Variants in HSDL1 observed in about 807,000 individuals in gnomAD.
The protein encoded by HSDL1 is inactive hydroxysteroid dehydrogenase-like protein 1.
HSDL1 carries 29 observed loss-of-function variants against 31.5 expected under a neutral mutation model. The observed-to-expected ratio is 0.92, with a 90% confidence interval of 0.69 to 1.26. HSDL1 has a LOEUF of 1.26. HSDL1 is among the 50% of genes most tolerant of loss of function. The probability of loss-of-function intolerance (pLI) is 0.00; values close to 1 mark genes in which losing one functional copy is unlikely to be tolerated. For synonymous variants in HSDL1, 222 were observed against 155.2 expected (o/e 1.43, Z -3.20); for missense variants, 503 against 416.6 (o/e 1.21, Z -1.81).
At position 84,131,158 on chromosome 16, in the gene HSDL1, C is replaced by A. The variant is rs757004174; in HGVS notation, c.164G>T (p.Arg55Leu). 4 of 1,614,022 alleles carry A rather than the reference C, an allele frequency of 2.5e-6. No individual in the cohort carries two copies. The African/African-American group carries it at 4.0e-5, about 16-fold the overall frequency. ...GATCAAGTCTGCTCTGCTCCCCAGG[C>A]GGGGGATAAAATGCAGCCTGATCAG... ...YSLIRLHFIP[R>L]LGSRADLIKQ... The change falls in exon 3 of 6, where the codon CGC (arginine) becomes CTC (leucine). Residue 55 changes from arginine (R) to leucine (L), a missense_variant. Physicochemically the swap from Arg to Leu is moderately radical, Grantham distance 102. Coordinates refer to ENST00000219439, the MANE Select transcript of HSDL1 (RefSeq NM_031463.5).
intron 1 of HSDL1, 73 bp from the exon 2 acceptor site, chr16:84,135,678 A>C (rs1456023074): frequency 6.6e-6 from 1 of 152,266 alleles, no homozygotes; most frequent in African/African-American, 2.4e-5. Context: ...CTTTACATTA[A>C]AGTAACATCC....
rs535857913 is a variant in HSDL1 at position 84,130,306 on chromosome 16, T to G, written c.346A>C (p.Lys116Gln). ...VVAKDIADTY[K>Q]VETDIIVADF... ...GCAACTATAATATCAGTTTCCACTT[T>G]GTACGTGTCGGCTATGTCTTTAGCA... The change falls in exon 4 of 6, where the codon AAA becomes CAA. Residue 116 changes from lysine to glutamine, a missense_variant. Lys to Gln is a moderately conservative substitution (Grantham distance 53, BLOSUM62 1). Coordinates refer to ENST00000219439, the MANE Select transcript of HSDL1 (RefSeq NM_031463.5). The G allele has an allele frequency of 4.0e-5, 65 of 1,614,116 alleles. No individual in the cohort carries two copies. Among genetic ancestry groups the G allele is most frequent in the Non-Finnish European group, 5.4e-5 (64 of 1,180,054 alleles).
At chr16:84,136,169 T>C (rs2086710616) in intron 1 of HSDL1, among the ~76,000 whole-genome samples, 2 of 152,236 alleles carry the variant, frequency 1.3e-5, no homozygotes, top group South Asian at 2.1e-4. Flanking sequence ...CCCACCTTAG[T>C]TCAGGTGCCC....
At position 84,123,711 on chromosome 16, in the gene HSDL1, T is replaced by C. The variant is rs1041470856; in HGVS notation, c.*919A>G. 2.0e-5 allele frequency: 3 copies of C among 152,590 alleles called. No homozygotes were observed. The highest frequency in any genetic ancestry group is 7.2e-5 in the African/African-American group (3 of 41,442). 9.5% of individuals were successfully genotyped at this position (152,590 alleles called of 1,614,324 possible). A position where few individuals can be genotyped will look rare whatever the true frequency, so the allele number is the denominator to read the frequency against. On this transcript the variant is annotated 3_prime_UTR_variant, in exon 6 of 6. Transcript: ENST00000219439. ...CATAGAAAAACGTAGGAAAACCAGA[T>C]ATAACAAGCTCTAAAGGGCTAAATT...
chr16:84,137,983 T>C (rs1257980027), intron 1 of HSDL1, among the ~76,000 whole-genome samples: 1 of 152,238 alleles, frequency 6.6e-6, no homozygotes, highest in Admixed American at 6.5e-5. Context: ...TCCCTGATTC[T>C]TGTCTTGAAT....
At chr16:84,138,316 T>G (rs2086731786) in intron 1 of HSDL1, among the ~76,000 whole-genome samples, 1 of 152,122 alleles carries the variant, frequency 6.6e-6, no homozygotes, top group African/African-American at 2.4e-5. Flanking sequence ...TTGCTAGAGG[T>G]GGGGTCATGG....
chr16:84,138,003 C>G (rs1200719941), intron 1 of HSDL1, among the ~76,000 whole-genome samples: 2 of 152,210 alleles, frequency 1.3e-5, no homozygotes. Flanking sequence ...TCTTAACCCC[C>G]CAGGTGATGG....
chr16:84,143,997 G>A (rs977010374), intron 1 of HSDL1, among the ~76,000 whole-genome samples: 3 of 151,712 alleles, frequency 2.0e-5, no homozygotes, highest in Admixed American at 6.6e-5. Context: ...CAGCCCGGGC[G>A]ACAGAGCGAG....
chr16:84,137,330 C>A (rs2086722114), intron 1 of HSDL1, among the ~76,000 whole-genome samples: 1 of 152,230 alleles, frequency 6.6e-6, no homozygotes, highest in South Asian at 2.1e-4. Flanking sequence ...AAGTCCCCCG[C>A]ATGCACAGCA....
chr16:84,138,000 C>A (rs1334105563), intron 1 of HSDL1, among the ~76,000 whole-genome samples: 1 of 152,180 alleles, frequency 6.6e-6, no homozygotes, highest in Non-Finnish European at 1.5e-5. Context: ...GAATCTTAAC[C>A]CCCCAGGTGA....
At chr16:84,128,059 C>T (rs2086626797) in intron 5 of HSDL1, among the ~76,000 whole-genome samples, 3 of 150,604 alleles carry the variant, frequency 2.0e-5, no homozygotes, top group Non-Finnish European at 4.4e-5. Flanking sequence ...GAGGCCAAGG[C>T]GGGTGGATCA....
chr16:84,141,142 A>G (rs927158720), intron 1 of HSDL1, among the ~76,000 whole-genome samples: 3 of 151,784 alleles, frequency 2.0e-5, no homozygotes, highest in East Asian at 3.9e-4. Context: ...TGAACCTCAC[A>G]TAAAGGAACC....
intron 2 of HSDL1, among the ~76,000 whole-genome samples, 168 bp from the exon 3 acceptor site, chr16:84,131,495 A>G (rs867323262): frequency 2.2e-4 from 33 of 147,728 alleles, no homozygotes; most frequent in African/African-American, 8.3e-4. Flanking sequence ...CTATCTATCT[A>G]TCTATCTATC....
rs2086642776 is a variant in HSDL1 at position 84,129,678 on chromosome 16, A to G, written c.764T>C (p.Met255Thr). 1.2e-6 allele frequency: 2 copies of G among 1,614,096 alleles called. No homozygotes were observed. Among genetic ancestry groups the G allele is most frequent in the Non-Finnish European group, 1.7e-6 (2 of 1,180,028 alleles). ...SLIPFYVATSMTAPSNFLHRC... is the reference protein window; with the variant it reads ...SLIPFYVATSTTAPSNFLHRC... ...GTGCAGAAAGTTGCTGGGTGCTGTC[A>G]TGCTGGTGGCTACATAGAAAGGGAT... The change falls in exon 5 of 6, where the codon ATG becomes ACG. Residue 255 changes from methionine (M) to threonine (T), a missense_variant. Physicochemically the swap from Met to Thr is moderately conservative, Grantham distance 81. Coordinates refer to ENST00000219439, the MANE Select transcript of HSDL1 (RefSeq NM_031463.5).
intron 2 of HSDL1, among the ~76,000 whole-genome samples, chr16:84,134,543 C>A (rs1267907160): frequency 6.6e-6 from 1 of 151,766 alleles, no homozygotes; most frequent in African/African-American, 2.4e-5. Flanking sequence ...ATCAAGCAGG[C>A]GGAAGTAACA....
chr16:84,143,356 C>T lies in HSDL1; in HGVS notation c.-69+1724G>A, dbSNP rs2086787586. Among the ~76,000 whole-genome samples, 3 of 152,224 alleles carry T rather than the reference C, an allele frequency of 2.0e-5. No homozygotes were observed. The South Asian group carries it at 6.2e-4, about 32-fold the overall frequency. On this transcript the variant is annotated intron_variant, in intron 1 of 5. Coordinates refer to ENST00000219439, the MANE Select transcript of HSDL1 (RefSeq NM_031463.5). ...AAGGACAGAAACCAAATACAAAAGG[C>T]CGTATGTTGTATGTTTCCACTTGTA...
intron 1 of HSDL1, 48 bp from the exon 2 acceptor site, chr16:84,135,653 G>C (rs1198660483): frequency 6.6e-6 from 1 of 152,218 alleles, no homozygotes; most frequent in African/African-American, 2.4e-5. Flanking sequence ...CTTCCTCATA[G>C]TTCAGCTGGG....
At position 84,145,162 on chromosome 16, in the gene HSDL1, C is replaced by A. The variant is rs979845990; in HGVS notation, c.-151G>T. ...CCGTCTCGGCCGCCGGAGCTGCTGCCGCGCCGCGCCCTCACGTGACCCGCG... is the reference window on the plus strand; with the variant it reads ...CCGTCTCGGCCGCCGGAGCTGCTGCAGCGCCGCGCCCTCACGTGACCCGCG... On this transcript the variant is annotated 5_prime_UTR_variant, in exon 1 of 6. Transcript: ENST00000219439. 1.7e-5 allele frequency: 4 copies of A among 238,760 alleles called. No individual in the cohort carries two copies. The highest frequency in any genetic ancestry group is 3.1e-5 in the Non-Finnish European group (4 of 127,580). 14.8% of individuals were successfully genotyped at this position (238,760 alleles called of 1,614,324 possible). A position where few individuals can be genotyped will look rare whatever the true frequency, so the allele number is the denominator to read the frequency against.
At chr16:84,128,291 A>G (rs1411267332) in intron 5 of HSDL1, among the ~76,000 whole-genome samples, 1 of 148,276 alleles carries the variant, frequency 6.7e-6, no homozygotes, top group African/African-American at 2.5e-5. Context: ...TTCCATCTCA[A>G]AAAAAAAAAA....
Sources: allele counts gnomAD v4.1 joint callset (sites outside exome capture counted in the v4.1 genomes callset), GRCh38; gene constraint gnomAD v4.1.1; transcripts MANE v1.5; gene names NCBI Gene and HGNC (gene_info 2026-07-23, HGNC 2026-07-21).